GALNT16: variants seen among roughly 807,000 people sequenced by gnomAD.
GALNT16 encodes the protein UDP-GalNAc:polypeptide N-acetylgalactosaminyltransferase-like protein 1.
Under a neutral mutation model 76.1 loss-of-function variants are expected in GALNT16, and 40 were observed. That is an observed-to-expected ratio of 0.53 (90% confidence interval 0.41 to 0.68). The LOEUF (loss-of-function observed/expected upper bound fraction) is 0.68, where lower values mean the gene tolerates loss of function less well. Among genes scored for constraint, GALNT16 ranks in the 30% least tolerant of loss-of-function variants. The pLI, the probability that GALNT16 is intolerant of heterozygous loss-of-function variation, is 0.00. For synonymous variants in GALNT16, 276 were observed against 285.2 expected (o/e 0.97, Z 0.32); for missense variants, 621 against 731.9 (o/e 0.85, Z 1.75).
At chr14:69,269,318 A>G (rs1473090914) in intron 1 of GALNT16, among the ~76,000 whole-genome samples, 1 of 144,750 alleles carries the variant, frequency 6.9e-6, no homozygotes, top group African/African-American at 2.6e-5. Context: ...GTGTATGTGT[A>G]GTGTGTATGT....
the GALNT16 span, among the ~76,000 whole-genome samples, chr14:69,364,494 G>A: frequency 2.6e-5 from 4 of 152,112 alleles, no homozygotes; most frequent in African/African-American, 4.8e-5. This position sits in a 1 kb window ranked among gnomAD's most constrained non-coding sequence, Gnocchi z 4.2. Flanking sequence ...AGTGGAAACT[G>A]CAGCTTTGAA....
intron 1 of GALNT16, among the ~76,000 whole-genome samples, chr14:69,313,137 C>G (rs2045051694): frequency 1.3e-5 from 2 of 152,226 alleles, no homozygotes; most frequent in African/African-American, 4.8e-5. Flanking sequence ...AATGAGCCGT[C>G]AGCATCAGCT....
At chr14:69,279,396 A>G (rs2044511506) in intron 1 of GALNT16, among the ~76,000 whole-genome samples, 1 of 152,260 alleles carries the variant, frequency 6.6e-6, no homozygotes, top group African/African-American at 2.4e-5. Context: ...CCCTGAAGGT[A>G]ACGATAGCAC....
At position 69,352,295 on chromosome 14, in the gene GALNT16, C is replaced by A; in HGVS notation, c.*127C>A. 1.2e-6 allele frequency: 1 copy of A among 849,838 alleles called. No individual in the cohort carries two copies. Among genetic ancestry groups the A allele is most frequent in the Non-Finnish European group, 1.8e-6 (1 of 562,150 alleles). The allele number at this position is 849,838 out of a possible 1,614,324, so 52.6% of individuals were successfully genotyped here. A position where few individuals can be genotyped will look rare whatever the true frequency, so the allele number is the denominator to read the frequency against. On this transcript the variant is annotated 3_prime_UTR_variant, in exon 15 of 15. Transcript: ENST00000448469. ...TTCTGCCAGGACCATCAGCAAATAC[C>A]CACCATGACACACGTTCTCCAAAGC...
chr14:69,320,253 G>A (rs558952867), intron 1 of GALNT16, among the ~76,000 whole-genome samples: 1 of 152,318 alleles, frequency 6.6e-6, no homozygotes, highest in East Asian at 1.9e-4. Flanking sequence ...CCAGCACTTT[G>A]GGAGGCTGAG....
chr14:69,309,454 A>G (rs2044984343), intron 1 of GALNT16, among the ~76,000 whole-genome samples: 1 of 151,860 alleles, frequency 6.6e-6, no homozygotes. Flanking sequence ...AGCACGCACC[A>G]TCATACCTGG....
At chr14:69,302,537 C>T (rs528075394) in intron 1 of GALNT16, among the ~76,000 whole-genome samples, 8 of 152,124 alleles carry the variant, frequency 5.3e-5, no homozygotes, top group South Asian at 4.2e-4. Flanking sequence ...TAATGGAACC[C>T]TTATTTTTAA....
In GALNT16 at chr14:69,261,334, CAG is replaced by C. The variant is rs1201255585; in HGVS notation, c.177+870_177+871del. ...CCGTCTCCGTCCGAGCCCCAGGTGA[CAG>C]AGCTGTGCGTGGCCAGGCAGGGGCA... On this transcript the variant is annotated intron_variant, in intron 1 of 14. Coordinates refer to ENST00000448469, the MANE Select transcript of GALNT16 (RefSeq NM_001168368.2). The surrounding 1 kb of genome is among the most constrained non-coding windows in gnomAD (Gnocchi z 6.4). Among the ~76,000 whole-genome samples, 1 of 152,156 alleles carries C rather than the reference CAG, an allele frequency of 6.6e-6. No homozygotes were observed. The highest frequency in any genetic ancestry group is 2.4e-5 in the African/African-American group (1 of 41,444).
At chr14:69,267,717 C>G (rs1321046657) in intron 1 of GALNT16, among the ~76,000 whole-genome samples, 1 of 152,088 alleles carries the variant, frequency 6.6e-6, no homozygotes, top group South Asian at 2.1e-4. Flanking sequence ...TCCAAGTGAT[C>G]CCACTTCTAG....
chr14:69,381,788 A>C, the GALNT16 span, among the ~76,000 whole-genome samples: 10 of 152,188 alleles, frequency 6.6e-5, no homozygotes, highest in African/African-American at 2.4e-4. Flanking sequence ...ACCTGGGTTC[A>C]CATGATTCTC....
intron 1 of GALNT16, among the ~76,000 whole-genome samples, chr14:69,306,880 G>A (rs911180984): frequency 6.6e-6 from 1 of 152,158 alleles, no homozygotes; most frequent in Non-Finnish European, 1.5e-5. Context: ...TAACCATTCC[G>A]GTGGCTTAAA....
At chr14:69,262,996 C>G (rs2044296532) in intron 1 of GALNT16, among the ~76,000 whole-genome samples, 1 of 151,890 alleles carries the variant, frequency 6.6e-6, no homozygotes, top group South Asian at 2.1e-4. Flanking sequence ...TCTCATGCCT[C>G]AGCCTCTCGA....
Position 69,285,662 on chromosome 14 carries a change from G to A in GALNT16, c.177+25195G>A, listed in dbSNP as rs145237236. On this transcript the variant is annotated intron_variant, in intron 1 of 14. Transcript: ENST00000448469. Reference sequence around the variant, plus strand: ...CATTGTAGCTGGGGCTGTGGCAGTCGCATGGAGAAAGGGCCTGTTTGACCC... The same window carrying A: ...CATTGTAGCTGGGGCTGTGGCAGTCACATGGAGAAAGGGCCTGTTTGACCC... Among the ~76,000 whole-genome samples, 7 of 152,112 alleles carry A rather than the reference G, an allele frequency of 4.6e-5. No individual in the cohort carries two copies. The East Asian group carries it at 9.6e-4, about 21-fold the overall frequency.
chr14:69,271,689 A>G (rs2044409743), intron 1 of GALNT16, among the ~76,000 whole-genome samples: 1 of 152,216 alleles, frequency 6.6e-6, no homozygotes. Flanking sequence ...AACAACACTC[A>G]TTTTAGTTGT....
intron 5 of GALNT16, among the ~76,000 whole-genome samples, chr14:69,326,879 C>T (rs1307010271): frequency 6.6e-6 from 1 of 152,184 alleles, no homozygotes; most frequent in East Asian, 1.9e-4. Flanking sequence ...ATGGCTCCAA[C>T]CTGTGGGGCC....
intron 1 of GALNT16, among the ~76,000 whole-genome samples, chr14:69,291,608 C>T (rs534455765): frequency 6.6e-6 from 1 of 152,196 alleles, no homozygotes; most frequent in Non-Finnish European, 1.5e-5. Flanking sequence ...CTGTGCTCAC[C>T]GACCACCAGG....
rs562964087 is a variant in GALNT16 at position 69,339,684 on chromosome 14, C to T, written c.1187+65C>T. 2.2e-3 allele frequency: 2,286 copies of T among 1,027,324 alleles called. 7 individuals carry two copies. Among genetic ancestry groups the T allele is most frequent in the Non-Finnish European group, 2.4e-3 (1,654 of 680,388 alleles). 63.6% of individuals were successfully genotyped at this position (1,027,324 alleles called of 1,614,324 possible). On this transcript the variant is annotated intron_variant, in intron 11 of 14. Coordinates refer to ENST00000448469, the MANE Select transcript of GALNT16 (RefSeq NM_001168368.2). ...ACATTAGCACAACCCCAGCAAAATA[C>T]GAAGTGGTATGTACGCCAGGGAACC...
At chr14:69,363,766 C>G in the GALNT16 span, among the ~76,000 whole-genome samples, 1 of 152,180 alleles carries the variant, frequency 6.6e-6, no homozygotes, top group African/African-American at 2.4e-5. Context: ...AGTCCTAACC[C>G]TGGTTCCTGG....
intron 1 of GALNT16, among the ~76,000 whole-genome samples, chr14:69,305,829 C>T (rs1473003561): frequency 4.6e-5 from 7 of 152,058 alleles, no homozygotes; most frequent in African/African-American, 1.7e-4. Context: ...GTCATGTCCA[C>T]GAAATCATTG....
Sources: allele counts gnomAD v4.1 joint callset (sites outside exome capture counted in the v4.1 genomes callset), GRCh38; gene constraint gnomAD v4.1.1; non-coding constraint Gnocchi (gnomAD v3.1); transcripts MANE v1.5; gene names NCBI Gene and HGNC (gene_info 2026-07-23, HGNC 2026-07-21).